The following ASTN1 variants were observed in gnomAD, a reference collection of about 807,000 sequenced individuals.
ASTN1 encodes astrotactin 1, also known as astrotactin-1.
ASTN1 carries 41 observed loss-of-function variants against 140.7 expected under a neutral mutation model. The ratio of observed to expected loss-of-function variants is 0.29; its 90% confidence interval spans 0.23 to 0.38. ASTN1 has a LOEUF of 0.38. ASTN1 is among the 10% of genes least tolerant of loss of function. The probability of loss-of-function intolerance (pLI) is 1.00; values close to 1 mark genes in which losing one functional copy is unlikely to be tolerated. For synonymous variants in ASTN1, 640 were observed against 652.2 expected, an observed-to-expected ratio of 0.98 and a Z score of 0.29; for missense variants, 1,479 against 1,678.8, an observed-to-expected ratio of 0.88 and a Z score of 2.08.
intron 1 of ASTN1, among the ~76,000 whole-genome samples, chr1:177,154,336 A>C (rs1356647477): frequency 1.3e-5 from 2 of 152,202 alleles, no homozygotes; most frequent in East Asian, 1.9e-4. Context: ...TATGGTAGTC[A>C]CTAGCCACAT....
downstream of ASTN1, among the ~76,000 whole-genome samples, chr1:176,859,651 G>A (rs963600017): frequency 6.6e-6 from 1 of 152,172 alleles, no homozygotes; most frequent in Non-Finnish European, 1.5e-5. Flanking sequence ...AGGCAGTGTG[G>A]CAGGCACCTG....
chr1:177,120,331 A>G (rs1253375063), intron 1 of ASTN1, among the ~76,000 whole-genome samples: 1 of 152,202 alleles, frequency 6.6e-6, no homozygotes, highest in East Asian at 1.9e-4. Context: ...CTTGAGCCTG[A>G]TGGGCACTGT....
chr1:177,000,684 C>T (rs906457566), intron 8 of ASTN1, among the ~76,000 whole-genome samples: 17 of 152,192 alleles, frequency 1.1e-4, no homozygotes, highest in African/African-American at 3.6e-4. Flanking sequence ...TTTATTGCTC[C>T]AAAGGACGGA....
intron 2 of ASTN1, among the ~76,000 whole-genome samples, chr1:177,034,739 C>T (rs960357795): frequency 5.3e-5 from 8 of 152,250 alleles, no homozygotes; most frequent in African/African-American, 1.4e-4. Flanking sequence ...GCTATCTTTT[C>T]CTTCACCCCA....
intron 8 of ASTN1, among the ~76,000 whole-genome samples, chr1:177,004,766 A>T (rs986045686): frequency 6.6e-6 from 1 of 152,174 alleles, no homozygotes; most frequent in Non-Finnish European, 1.5e-5. Flanking sequence ...AGAAAGCTGG[A>T]TAGCCACATG....
chr1:176,894,871 A>C (rs756530410), intron 16 of ASTN1, 41 bp from the exon 17 acceptor site: 15 of 1,607,904 alleles, frequency 9.3e-6, no homozygotes, highest in Non-Finnish European at 1.3e-5. Flanking sequence ...AGGAGTCAAA[A>C]AAGTAAGGAC....
intron 16 of ASTN1, among the ~76,000 whole-genome samples, chr1:176,896,024 T>C (rs1669486763): frequency 6.6e-6 from 1 of 152,196 alleles, no homozygotes; most frequent in Admixed American, 6.5e-5. Context: ...GGAAGGATTT[T>C]TAAAGTGGTA....
chr1:176,985,921 G>C (rs896826765), intron 8 of ASTN1, among the ~76,000 whole-genome samples: 3 of 146,180 alleles, frequency 2.1e-5, no homozygotes, highest in African/African-American at 5.1e-5. Context: ...CCCATCTAGG[G>C]TATTTTCTGA....
chr1:176,923,382 G>C (rs888202870), intron 16 of ASTN1, among the ~76,000 whole-genome samples: 5 of 152,090 alleles, frequency 3.3e-5, no homozygotes, highest in African/African-American at 7.2e-5. Context: ...CTGGCTACTG[G>C]CTCAATTGAA....
chr1:176,899,073 C>G (rs2103044397), intron 16 of ASTN1, among the ~76,000 whole-genome samples: 1 of 152,268 alleles, frequency 6.6e-6, no homozygotes, highest in East Asian at 1.9e-4. Flanking sequence ...CAGTTTCTTA[C>G]AAATAGAAGA....
chr1:177,110,158 A>T (rs560773837), intron 1 of ASTN1, among the ~76,000 whole-genome samples: 1 of 152,294 alleles, frequency 6.6e-6, no homozygotes, highest in South Asian at 2.1e-4. Context: ...ACTATACATG[A>T]TGTGTGAAAA....
At chr1:177,114,597 C>G (rs915673881) in intron 1 of ASTN1, among the ~76,000 whole-genome samples, 2 of 152,126 alleles carry the variant, frequency 1.3e-5, no homozygotes, top group Admixed American at 6.5e-5. Flanking sequence ...GACACTGATA[C>G]AGTCCACCCA....
intron 8 of ASTN1, among the ~76,000 whole-genome samples, chr1:176,969,752 A>G (rs1313225131): frequency 1.3e-5 from 2 of 152,226 alleles, no homozygotes; most frequent in Non-Finnish European, 2.9e-5. Flanking sequence ...GTGGTCTCCA[A>G]TATTCTCTCA....
chr1:176,868,292 G>T (rs1294456421), intron 22 of ASTN1, among the ~76,000 whole-genome samples: 4 of 152,208 alleles, frequency 2.6e-5, no homozygotes, highest in African/African-American at 9.6e-5. Flanking sequence ...AGCAGTGGGT[G>T]TGGGTATTAG....
intron 16 of ASTN1, among the ~76,000 whole-genome samples, chr1:176,914,006 T>C (rs1670373443): frequency 6.6e-6 from 1 of 152,326 alleles, no homozygotes; most frequent in African/African-American, 2.4e-5. Flanking sequence ...TATCTGGCTA[T>C]ATTTTAGGTA....
At chr1:176,893,875 T>C (rs1259269484) in intron 17 of ASTN1, among the ~76,000 whole-genome samples, 1 of 152,250 alleles carries the variant, frequency 6.6e-6, no homozygotes, top group Admixed American at 6.5e-5. Context: ...GGCTGAGCTA[T>C]GGCTTCTGAC....
chr1:177,135,970 CA>C (rs1309689778), intron 1 of ASTN1, among the ~76,000 whole-genome samples: 3 of 152,142 alleles, frequency 2.0e-5, no homozygotes, highest in African/African-American at 7.2e-5. Flanking sequence ...AGAGAAGCAC[CA>C]GCTCTAACTT....
chr1:177,020,820 C>T (rs1478749980), intron 7 of ASTN1, among the ~76,000 whole-genome samples: 2 of 152,180 alleles, frequency 1.3e-5, no homozygotes, highest in African/African-American at 2.4e-5. Flanking sequence ...CACCAGGAGG[C>T]TGCTCCTTTG....
chr1:177,158,359 T>C (rs1265975575), intron 1 of ASTN1, among the ~76,000 whole-genome samples: 2 of 152,138 alleles, frequency 1.3e-5, no homozygotes, highest in Non-Finnish European at 2.9e-5. Flanking sequence ...ATTGAAATAA[T>C]TTTTTTAAAG....
Sources: allele counts gnomAD v4.1 joint callset (sites outside exome capture counted in the v4.1 genomes callset), GRCh38; gene constraint gnomAD v4.1.1; transcripts MANE v1.5; gene names NCBI Gene and HGNC (gene_info 2026-07-23, HGNC 2026-07-21).